The following DNHD1 variants were observed in gnomAD, a reference collection of about 807,000 sequenced individuals.
DNHD1 encodes the protein dynein heavy chain domain 1, also known as dynein heavy chain domain-containing protein 1.
A neutral mutation model predicts 458.1 loss-of-function variants in DNHD1; 383 were observed. That is an observed-to-expected ratio of 0.84 (90% CI 0.77 to 0.91). The LOEUF is 0.91. DNHD1 is among the 40% of genes least tolerant of loss of function. DNHD1 has a pLI of 0.00. For synonymous variants in DNHD1, 2,203 were observed against 2,376.9 expected (o/e 0.93, Z 2.13); for missense variants, 5,336 against 5,866.1 (o/e 0.91, Z 2.95).
chr11:6,509,327 G>A, intron 6 of DNHD1, 55 bp downstream of exon 6: 1 of 1,455,820 alleles, frequency 6.9e-7, no homozygotes, highest in South Asian at 1.2e-5. Context: ...TTTTACTAAA[G>A]GTAATAGTAT....
chr11:6,525,901 G>C lies in DNHD1; in HGVS notation c.1838-2621G>C, dbSNP rs1852701802. Among the ~76,000 whole-genome samples the C allele has an allele frequency of 2.6e-5, 4 of 151,928 alleles. No individual in the cohort carries two copies. The South Asian group carries it at 8.3e-4, about 32-fold the overall frequency. On this transcript the variant is annotated intron_variant, in intron 10 of 42. Coordinates refer to ENST00000254579, the MANE Select transcript of DNHD1 (RefSeq NM_144666.3). Reference sequence around the variant, plus strand: ...TATTGAAATCTAGTTATTTTTGTTAGAATATGTGTTGGTATTGAACATTCT... The same window carrying C: ...TATTGAAATCTAGTTATTTTTGTTACAATATGTGTTGGTATTGAACATTCT...
chr11:6,533,175 C>T lies in DNHD1; in HGVS notation c.2496C>T (p.Cys832=). 1.3e-6 allele frequency: 2 copies of T among 1,551,462 alleles called. No individual in the cohort carries two copies. Among genetic ancestry groups the T allele is most frequent in the Non-Finnish European group, 1.7e-6 (2 of 1,146,910 alleles). Residue 832 remains cysteine, a synonymous_variant, in exon 13 of 43, where the codon TGC becomes TGT. Transcript: ENST00000254579. ...CAGATATTCATGCCATTGCACAGTG[C>T]ACCCAGAAGGTGGGCTCTCCCCATC... is the stretch of plus-strand genomic sequence containing the variant. ...INSDIHAIAQ[C]TQKLNEANEQ...
chr11:6,552,926 A>C (rs1188963993), intron 24 of DNHD1, among the ~76,000 whole-genome samples: 1 of 152,244 alleles, frequency 6.6e-6, no homozygotes, highest in Non-Finnish European at 1.5e-5. Context: ...AAAAGTTTGA[A>C]TGCATAATAA....
At chr11:6,511,186 C>T (rs1852328905) in intron 6 of DNHD1, 87 bp from the exon 7 acceptor site, 1 of 1,518,520 alleles carries the variant, frequency 6.6e-7, no homozygotes, top group Non-Finnish European at 8.9e-7. Context: ...TTTGTGCAGT[C>T]TGAGGTAAGC....
Position 6,538,527 on chromosome 11 carries a change from T to G in DNHD1, c.3126+17T>G, listed in dbSNP as rs1853016524. The G allele has an allele frequency of 6.4e-7, 1 of 1,551,768 alleles. No homozygotes were observed. On this transcript the variant is annotated intron_variant, in intron 15 of 42. Coordinates refer to ENST00000254579, the MANE Select transcript of DNHD1 (RefSeq NM_144666.3). ...TTTGCCAAGGTGCTGACACCCTTCC[T>G]TGGAGCTCTTGACTGGGAGTGGAGG...
At chr11:6,560,068 C>T (rs12291167) in intron 28 of DNHD1, among the ~76,000 whole-genome samples, 9,875 of 152,266 alleles carry the variant, frequency 0.065, 710 homozygotes, top group African/African-American at 0.18. Context: ...CCAAATACTC[C>T]TAGTTAAAGG....
At position 6,570,993 on chromosome 11, in the gene DNHD1, A is replaced by C; in HGVS notation, c.13481A>C (p.Gln4494Pro). The change falls in exon 42 of 43, where the codon CAG becomes CCG. Residue 4494 changes from glutamine (Q) to proline (P), a missense_variant. This residue lies in a region of DNHD1 where 698 missense variants were observed against 664.9 expected (regional missense o/e 1.05). Transcript: ENST00000254579. Reference sequence around the variant, plus strand: ...GAGACCGAGGCTCTAGAACTGAGCCAGTTGGTGGGCACGCTACAACGCGAC... The same window carrying C: ...GAGACCGAGGCTCTAGAACTGAGCCCGTTGGTGGGCACGCTACAACGCGAC... ...VLETEALELS[Q>P]LVGTLQRDLD... is the part of the protein sequence containing the mutation. 1 of 1,601,912 alleles carries C rather than the reference A, an allele frequency of 6.2e-7. No homozygotes were observed. Among genetic ancestry groups the C allele is most frequent in the Non-Finnish European group, 8.5e-7 (1 of 1,171,218 alleles).
At chr11:6,533,510 G>C (rs1460518026) in intron 13 of DNHD1, among the ~76,000 whole-genome samples, 171 bp from the exon 14 acceptor site, 1 of 152,180 alleles carries the variant, frequency 6.6e-6, no homozygotes, top group Non-Finnish European at 1.5e-5. Flanking sequence ...AGAGAGATTT[G>C]ATCCCTCTGG....
rs774027432 is a variant in DNHD1 at position 6,568,688 on chromosome 11, C to A, written c.12685C>A (p.Pro4229Thr). The stretch of plus-strand genomic sequence containing the variant: ...AGCTGTGCTGACTCAGCACTCCATG[C>A]CTGTTTTCTGGAACCAGTCCCTGGA... ...LPAVLTQHSMPVFWNQSLELG... is the reference protein window; with the variant it reads ...LPAVLTQHSMTVFWNQSLELG... Residue 4229 changes from proline (P) to threonine (T), a missense_variant, in exon 39 of 43, where the codon CCT becomes ACT. Pro to Thr is a conservative substitution (Grantham distance 38, BLOSUM62 -1). This residue lies in a region of DNHD1 where 695 missense variants were observed against 804.2 expected (regional missense o/e 0.86). Coordinates refer to ENST00000254579, the MANE Select transcript of DNHD1 (RefSeq NM_144666.3). 9.9e-6 allele frequency: 16 copies of A among 1,613,752 alleles called. No homozygotes were observed. The South Asian group carries it at 1.6e-4, about 17-fold the overall frequency.
intron 25 of DNHD1, 88 bp downstream of exon 25, chr11:6,558,385 A>G: frequency 6.5e-7 from 1 of 1,533,004 alleles, no homozygotes; most frequent in South Asian, 1.2e-5. Context: ...GGCTGCCATG[A>G]GGGCTGAGAA....
chr11:6,535,279 G>A (rs1852921078), intron 14 of DNHD1, among the ~76,000 whole-genome samples: 1 of 152,232 alleles, frequency 6.6e-6, no homozygotes, highest in Admixed American at 6.5e-5. Flanking sequence ...GTATACGCAT[G>A]TAACTGTGTG....
chr11:6,510,017 TA>T (rs1852304291), intron 6 of DNHD1, among the ~76,000 whole-genome samples: 1 of 152,312 alleles, frequency 6.6e-6, no homozygotes, highest in East Asian at 1.9e-4. Context: ...CAGGATTTCC[TA>T]GAAATCCACA....
chr11:6,509,315 A>G (rs562765274), intron 6 of DNHD1, 43 bp downstream of exon 6: 2 of 1,530,352 alleles, frequency 1.3e-6, no homozygotes, highest in South Asian at 2.4e-5. Context: ...TTTAAAAATT[A>G]GTTTTACTAA....
At position 6,548,771 on chromosome 11, in the gene DNHD1, A is replaced by G. The variant is rs565239881; in HGVS notation, c.7225A>G (p.Ile2409Val). ...EVLVEPHHPY[I>V]YSPIHPAFSS... ...GCTGGTAGAGCCACATCACCCTTAC[A>G]TATACAGCCCCATCCACCCTGCCTT... is the stretch of plus-strand genomic sequence containing the variant. Residue 2409 changes from isoleucine (I) to valine (V), a missense_variant, in exon 24 of 43, where the codon ATA (isoleucine) becomes GTA (valine). Coordinates refer to ENST00000254579, the MANE Select transcript of DNHD1 (RefSeq NM_144666.3). This position sits in a 1 kb window ranked among gnomAD's most constrained non-coding sequence, Gnocchi z 4.4. 1.4e-5 allele frequency: 21 copies of G among 1,551,568 alleles called. No homozygotes were observed. The African/African-American group carries it at 2.3e-4, about 17-fold the overall frequency.
intron 12 of DNHD1, among the ~76,000 whole-genome samples, chr11:6,531,842 A>G (rs968367765): frequency 2.0e-5 from 3 of 152,234 alleles, no homozygotes; most frequent in Non-Finnish European, 4.4e-5. Flanking sequence ...TACTTTGCAC[A>G]TAACATAAAA....
rs772606882 is a variant in DNHD1, at chr11:6,520,095, C to T, written c.1778C>T (p.Ala593Val). Residue 593 changes from alanine to valine, a missense_variant, in exon 9 of 43, where the codon GCC becomes GTC. Transcript: ENST00000254579. ...GGCCTACAGTCTGTCAAGACCTCTGCCTTGCAGGTATTCTGAATTGGGCAG... is the reference window on the plus strand; with the variant it reads ...GGCCTACAGTCTGTCAAGACCTCTGTCTTGCAGGTATTCTGAATTGGGCAG... ...TGGLQSVKTSALQVVQSADLK... is the reference protein window; with the variant it reads ...TGGLQSVKTSVLQVVQSADLK... 6.2e-7 allele frequency: 1 copy of T among 1,614,184 alleles called. No individual in the cohort carries two copies. Among genetic ancestry groups the T allele is most frequent in the Non-Finnish European group, 8.5e-7 (1 of 1,180,034 alleles).
intron 6 of DNHD1, among the ~76,000 whole-genome samples, chr11:6,509,473 A>C (rs1852294947): frequency 1.3e-5 from 2 of 152,242 alleles, no homozygotes; most frequent in African/African-American, 4.8e-5. Context: ...ATCATACCTT[A>C]CATACTGTTA....
At chr11:6,502,693 C>T (rs1478863016) in intron 3 of DNHD1, 60 bp from the exon 4 acceptor site, 1 of 1,464,670 alleles carries the variant, frequency 6.8e-7, no homozygotes, top group Non-Finnish European at 9.1e-7. Flanking sequence ...GGCAAGGCCT[C>T]CCTCTAAGGT....
Position 6,559,119 on chromosome 11 carries a change from T to C in DNHD1, c.9416+13T>C. ...ACAAGGCCCAGCGGTGAGTGTCCCG[T>C]CCCCTGCAGTGTACCTCCTTCTGCT... On this transcript the variant is annotated intron_variant, in intron 27 of 42. Coordinates refer to ENST00000254579, the MANE Select transcript of DNHD1 (RefSeq NM_144666.3). 6.4e-7 allele frequency: 1 copy of C among 1,551,646 alleles called. No individual in the cohort carries two copies. The highest frequency in any genetic ancestry group is 8.7e-7 in the Non-Finnish European group (1 of 1,146,978).
Sources: allele counts gnomAD v4.1 joint callset (sites outside exome capture counted in the v4.1 genomes callset), GRCh38; gene constraint gnomAD v4.1.1; regional missense constraint gnomAD v4.1.1; non-coding constraint Gnocchi (gnomAD v3.1); transcripts MANE v1.5; gene names NCBI Gene and HGNC (gene_info 2026-07-23, HGNC 2026-07-21).